The following XKR4 variants were observed in gnomAD, a reference collection of about 807,000 sequenced individuals.
XKR4 encodes the protein XK-related protein 4.
XKR4 carries 12 observed loss-of-function variants against 53.9 expected under a neutral mutation model. The ratio of observed to expected loss-of-function variants is 0.22; its 90% confidence interval spans 0.14 to 0.36. The LOEUF is 0.36. Ranked by LOEUF, XKR4 falls within the 10% of genes least tolerant of loss-of-function variation. The pLI is 1.00. For synonymous variants in XKR4, 354 were observed against 362.4 expected (o/e 0.98, Z 0.26); for missense variants, 799 against 859.5 (o/e 0.93, Z 0.88).
chr8:55,401,800 A>G (rs1033683246), intron 2 of XKR4, among the ~76,000 whole-genome samples: 1 of 152,236 alleles, frequency 6.6e-6, no homozygotes, highest in Non-Finnish European at 1.5e-5. Flanking sequence ...TGTGTTGGTT[A>G]CACCTATCAA....
At chr8:55,190,385 A>G (rs1487700160) in intron 1 of XKR4, among the ~76,000 whole-genome samples, 1 of 152,320 alleles carries the variant, frequency 6.6e-6, no homozygotes, top group Non-Finnish European at 1.5e-5. Flanking sequence ...AAAAAGAAAT[A>G]TTTCTTTTCA....
intron 2 of XKR4, among the ~76,000 whole-genome samples, chr8:55,427,257 T>C (rs1805030176): frequency 6.6e-6 from 1 of 152,212 alleles, no homozygotes; most frequent in Non-Finnish European, 1.5e-5. Context: ...ATTAGATGAT[T>C]ATTCCCAGAA....
intron 1 of XKR4, among the ~76,000 whole-genome samples, chr8:55,321,555 T>C (rs1465157542): frequency 6.6e-6 from 1 of 152,230 alleles, no homozygotes; most frequent in East Asian, 1.9e-4. Context: ...CTCCTCTTCA[T>C]AGTCTGTCTT....
chr8:55,364,635 G>A (rs2658888), intron 2 of XKR4, among the ~76,000 whole-genome samples: 136 of 151,726 alleles, frequency 9.0e-4, no homozygotes, highest in Non-Finnish European at 1.5e-3. Context: ...TTTTGTTGGG[G>A]TTTTTTTTGT....
chr8:55,517,103 T>A (rs1018794473), intron 2 of XKR4: 3 of 151,962 alleles, frequency 2.0e-5, no homozygotes, highest in African/African-American at 4.8e-5. Context: ...TGGAGTGGAA[T>A]AATAGACATT....
intron 2 of XKR4, chr8:55,451,822 A>G (rs2939634): frequency 0.43 from 409,980 of 945,408 alleles, 91,341 homozygotes; most frequent in East Asian, 0.51. Context: ...TTCCACCAGG[A>G]GGCTGCTCAT....
At chr8:55,336,041 C>CAAAAAAAAAAAAAA (rs34885296) in intron 1 of XKR4, among the ~76,000 whole-genome samples, 24 of 113,584 alleles carry the variant, frequency 2.1e-4, no homozygotes, top group Non-Finnish European at 2.7e-4. Flanking sequence ...AACTCTATAC[C>CAAAAAAAAAAAAAA]AAAAAAAAAA....
Position 55,141,645 on chromosome 8 carries a change from T to TTCTCTCTCTCTCTCTCTCTCTCTC in XKR4, c.806+38355_806+38378dup, listed in dbSNP as rs138063196. Among the ~76,000 whole-genome samples, 742 of 111,928 alleles carry TTCTCTCTCTCTCTCTCTCTCTCTC rather than the reference T, an allele frequency of 6.6e-3. 19 individuals are homozygous for TTCTCTCTCTCTCTCTCTCTCTCTC. Among genetic ancestry groups the TTCTCTCTCTCTCTCTCTCTCTCTC allele is most frequent in the African/African-American group, 0.019 (530 of 28,214 alleles). The allele number at this position is 111,928 out of a possible 152,430, so 73.4% of individuals were successfully genotyped here. A position where few individuals can be genotyped will look rare whatever the true frequency, so the allele number is the denominator to read the frequency against. On this transcript the variant is annotated intron_variant, in intron 1 of 2. Transcript: ENST00000327381. The stretch of plus-strand genomic sequence containing the variant: ...TTTCTGTCTCTCTTGGTGCTTCTGC[T>TTCTCTCTCTCTCTCTCTCTCTCTC]TCTCTCTCTCTCTCTCTCTCTCTCT...
intron 2 of XKR4, among the ~76,000 whole-genome samples, chr8:55,475,760 G>A (rs918888339): frequency 1.4e-4 from 21 of 151,462 alleles, no homozygotes; most frequent in Admixed American, 9.9e-4. Flanking sequence ...ACACCACCAC[G>A]CCCAGCTAAT....
intron 1 of XKR4, among the ~76,000 whole-genome samples, chr8:55,337,566 C>A (rs973955341): frequency 1.3e-5 from 2 of 152,004 alleles, no homozygotes; most frequent in Non-Finnish European, 2.9e-5. Flanking sequence ...GAGGGTATAT[C>A]ATATTAACAA....
chr8:55,479,503 A>G (rs190446959), intron 2 of XKR4, among the ~76,000 whole-genome samples: 1 of 152,272 alleles, frequency 6.6e-6, no homozygotes, highest in African/African-American at 2.4e-5. Context: ...GAAAAGCAAG[A>G]GCAAACACAT....
intron 1 of XKR4, among the ~76,000 whole-genome samples, chr8:55,230,587 C>T (rs1398949584): frequency 1.3e-5 from 2 of 152,050 alleles, no homozygotes; most frequent in Non-Finnish European, 2.9e-5. Flanking sequence ...AGGCTGGTCT[C>T]GAACTCCTGT....
At chr8:55,365,433 G>C (rs142953372) in intron 2 of XKR4, among the ~76,000 whole-genome samples, 1 of 152,182 alleles carries the variant, frequency 6.6e-6, no homozygotes, top group Non-Finnish European at 1.5e-5. Flanking sequence ...GGCTGGACGC[G>C]GTGACTCACG....
intron 2 of XKR4, among the ~76,000 whole-genome samples, chr8:55,420,440 G>A (rs1428211386): frequency 3.3e-5 from 5 of 149,476 alleles, no homozygotes; most frequent in African/African-American, 1.3e-4. Context: ...TATACACCAT[G>A]GAATACTATG....
chr8:55,509,380 T>C (rs1806589401), intron 2 of XKR4, among the ~76,000 whole-genome samples: 1 of 152,208 alleles, frequency 6.6e-6, no homozygotes, highest in Non-Finnish European at 1.5e-5. Context: ...TTCATTTCCA[T>C]CTTGTCCTTT....
At chr8:55,419,711 C>A (rs1019310185) in intron 2 of XKR4, among the ~76,000 whole-genome samples, 3 of 152,214 alleles carry the variant, frequency 2.0e-5, no homozygotes, top group Non-Finnish European at 4.4e-5. Flanking sequence ...TGTCCAGATT[C>A]TCAGTCTCTT....
At chr8:55,260,953 C>T (rs1818516112) in intron 1 of XKR4, among the ~76,000 whole-genome samples, 1 of 152,166 alleles carries the variant, frequency 6.6e-6, no homozygotes, top group African/African-American at 2.4e-5. Context: ...CTTGATTTTA[C>T]AGGCTGCTCC....
chr8:55,426,398 T>TAC (rs141840256), intron 2 of XKR4, among the ~76,000 whole-genome samples: 17 of 151,618 alleles, frequency 1.1e-4, no homozygotes, highest in Non-Finnish European at 1.6e-4. Flanking sequence ...CTGTCACACA[T>TAC]ACACACACAC....
At chr8:55,319,505 TA>T (rs1010814977) in intron 1 of XKR4, among the ~76,000 whole-genome samples, 8 of 152,260 alleles carry the variant, frequency 5.3e-5, no homozygotes, top group African/African-American at 1.7e-4. Context: ...ATTGTAAGGA[TA>T]AAAAAATGAA....
Sources: gnomAD v4.1 joint callset for allele counts (sites outside exome capture counted in the v4.1 genomes callset) on GRCh38, gnomAD v4.1.1 for gene constraint, MANE v1.5 for transcripts, NCBI Gene and HGNC (gene_info 2026-07-23, HGNC 2026-07-21) for gene names.